Variants in OSBPL3 observed in about 807,000 individuals in gnomAD.
OSBPL3 encodes oxysterol binding protein like 3.
A neutral mutation model predicts 120.1 loss-of-function variants in OSBPL3; 65 were observed. That is an observed-to-expected ratio of 0.54 (90% CI 0.44 to 0.67). The LOEUF (loss-of-function observed/expected upper bound fraction) is 0.67. Ranked by LOEUF, OSBPL3 falls within the 30% of genes least tolerant of loss-of-function variation. OSBPL3 has a pLI of 0.00. For missense variants in OSBPL3, 1,004 were observed against 1,082.1 expected (o/e 0.93, Z 1.01); for synonymous variants, 416 against 402.6 (o/e 1.03, Z -0.40).
chr7:24,864,674 T>C (rs1344235886), intron 7 of OSBPL3, among the ~76,000 whole-genome samples: 1 of 152,232 alleles, frequency 6.6e-6, no homozygotes, highest in Non-Finnish European at 1.5e-5. Context: ...TTAAATTATA[T>C]ATGCCTAAAT....
intron 1 of OSBPL3, among the ~76,000 whole-genome samples, chr7:24,897,829 A>T (rs942742225): frequency 6.6e-6 from 1 of 152,246 alleles, no homozygotes; most frequent in Non-Finnish European, 1.5e-5. Flanking sequence ...GATTGCAAAA[A>T]GTGGCATATA....
In OSBPL3 at chr7:24,833,544, A is replaced by G. The variant is rs568410025; in HGVS notation, c.1746+942T>C. On this transcript the variant is annotated intron_variant, in intron 15 of 22. Transcript: ENST00000313367. The surrounding 1 kb of genome is among the most constrained non-coding windows in gnomAD (Gnocchi z 4.4). ...AATGTAGAAAATAATAGCATCCTCT[A>G]TCAATGGGGAGTGTCGGCAGGGCTA... is the stretch of plus-strand genomic sequence containing the variant. Among the ~76,000 whole-genome samples the G allele has an allele frequency of 9.8e-5, 15 of 152,306 alleles. No homozygotes were observed. The highest frequency in any genetic ancestry group is 3.6e-4 in the African/African-American group (15 of 41,562).
chr7:24,861,075 T>C (rs1310232445), intron 10 of OSBPL3, among the ~76,000 whole-genome samples: 1 of 152,254 alleles, frequency 6.6e-6, no homozygotes, highest in East Asian at 1.9e-4. Context: ...ATATGCATTT[T>C]CACCAGCATT....
intron 1 of OSBPL3, among the ~76,000 whole-genome samples, chr7:24,897,414 C>T (rs1806329786): frequency 6.7e-6 from 1 of 149,994 alleles, no homozygotes. Context: ...CAAGCTCCGC[C>T]TCCCGGGTTC....
At chr7:24,960,996 T>A (rs1300179203) in intron 1 of OSBPL3, among the ~76,000 whole-genome samples, 1 of 152,226 alleles carries the variant, frequency 6.6e-6, no homozygotes, top group Non-Finnish European at 1.5e-5. Flanking sequence ...CAGCAAGGGA[T>A]ATGAATAATT....
At position 24,879,958 on chromosome 7, in the gene OSBPL3, C is replaced by A. The variant is rs1803417739; in HGVS notation, c.97-7889G>T. On this transcript the variant is annotated intron_variant, in intron 2 of 22. Transcript: ENST00000313367. The surrounding 1 kb of genome is among the most constrained non-coding windows in gnomAD (Gnocchi z 5.6). Reference sequence around the variant, plus strand: ...AGCCCCTTAAAGCTACAAACAGCATCTTCTATGCATTTTTCTCTCCTCCTA... The same window carrying A: ...AGCCCCTTAAAGCTACAAACAGCATATTCTATGCATTTTTCTCTCCTCCTA... Among the ~76,000 whole-genome samples the A allele has an allele frequency of 6.6e-6, 1 of 152,142 alleles. No individual in the cohort carries two copies. The highest frequency in any genetic ancestry group is 1.9e-4 in the East Asian group (1 of 5,198).
rs547689840 is a variant in OSBPL3, at chr7:24,944,583, T to C, written c.-150+35303A>G. Among the ~76,000 whole-genome samples the C allele has an allele frequency of 4.0e-5, 6 of 150,920 alleles. No homozygotes were observed. In the South Asian group the frequency reaches 1.3e-3, roughly 32 times the overall value. On this transcript the variant is annotated intron_variant, in intron 1 of 22. Transcript: ENST00000313367. ...AGGCGGAGGTTGCAGTGAGCTGAGA[T>C]TGCGCCACTGCACTCCATCTTGGGT... is the stretch of plus-strand genomic sequence containing the variant.
At chr7:24,945,606 C>G (rs1813629048) in intron 1 of OSBPL3, among the ~76,000 whole-genome samples, 1 of 152,182 alleles carries the variant, frequency 6.6e-6, no homozygotes, top group African/African-American at 2.4e-5. Context: ...GTGGCACACT[C>G]TGATACGGTG....
Position 24,834,185 on chromosome 7 carries a change from C to T in OSBPL3, c.1746+301G>A. 9.1e-7 allele frequency: 1 copy of T among 1,096,360 alleles called. No homozygotes were observed. Among genetic ancestry groups the T allele is most frequent in the Non-Finnish European group, 1.1e-6 (1 of 892,752 alleles). The allele number at this position is 1,096,360 out of a possible 1,614,324, so 67.9% of individuals were successfully genotyped here. On this transcript the variant is annotated intron_variant, in intron 15 of 22. Coordinates refer to ENST00000313367, the MANE Select transcript of OSBPL3 (RefSeq NM_015550.4). This position sits in a 1 kb window ranked among gnomAD's most constrained non-coding sequence, Gnocchi z 5.2. ...CCTAAAGACATGTTTTCCAGCCGGG[C>T]ACATCGGAACAATCAGCCAGAAGGC...
intron 2 of OSBPL3, among the ~76,000 whole-genome samples, chr7:24,874,523 T>A (rs1802592099): frequency 6.6e-6 from 1 of 152,156 alleles, no homozygotes; most frequent in Non-Finnish European, 1.5e-5. Flanking sequence ...AAGAATTAAA[T>A]CTCAGAACTA....
intron 1 of OSBPL3, among the ~76,000 whole-genome samples, chr7:24,927,748 G>T (rs920163212): frequency 1.3e-5 from 2 of 152,080 alleles, no homozygotes; most frequent in South Asian, 4.2e-4. Flanking sequence ...AAATTCAATG[G>T]CATGATAAAA....
chr7:24,837,433 G>A (rs1797146146), intron 14 of OSBPL3, among the ~76,000 whole-genome samples: 1 of 151,696 alleles, frequency 6.6e-6, no homozygotes, highest in South Asian at 2.1e-4. Context: ...CAAACTCTTG[G>A]CCTAAAGCAA....
intron 18 of OSBPL3, among the ~76,000 whole-genome samples, chr7:24,816,335 C>A (rs1794459852): frequency 6.6e-6 from 1 of 152,158 alleles, no homozygotes; most frequent in South Asian, 2.1e-4. Context: ...GCTAAAACCA[C>A]CATTCTTAAT....
At chr7:24,954,528 T>C (rs1443905073) in intron 1 of OSBPL3, among the ~76,000 whole-genome samples, 3 of 151,680 alleles carry the variant, frequency 2.0e-5, no homozygotes, top group Non-Finnish European at 4.4e-5. Flanking sequence ...ACTCTCTCTA[T>C]CCCAACCATG....
intron 1 of OSBPL3, among the ~76,000 whole-genome samples, chr7:24,928,369 T>G (rs1811350220): frequency 6.6e-6 from 1 of 152,050 alleles, no homozygotes; most frequent in Non-Finnish European, 1.5e-5. Flanking sequence ...TTTTTTGTCT[T>G]TTTAGTAGAG....
At position 24,940,666 on chromosome 7, in the gene OSBPL3, A is replaced by G. The variant is rs1812976356; in HGVS notation, c.-150+39220T>C. Among the ~76,000 whole-genome samples, 2 of 152,090 alleles carry G rather than the reference A, an allele frequency of 1.3e-5. No individual in the cohort carries two copies. Among genetic ancestry groups the G allele is most frequent in the African/African-American group, 4.8e-5 (2 of 41,402 alleles). ...GGAGGTACCTAAAACCAAGGAGATG[A>G]GGAACGGTGAATGAAGATGTCAGGT... On this transcript the variant is annotated intron_variant, in intron 1 of 22. Transcript: ENST00000313367. The surrounding 1 kb of genome is among the most constrained non-coding windows in gnomAD (Gnocchi z 4.4).
intron 12 of OSBPL3, among the ~76,000 whole-genome samples, chr7:24,848,606 G>A (rs1054054547): frequency 6.6e-5 from 10 of 151,942 alleles, no homozygotes; most frequent in East Asian, 3.9e-4. Flanking sequence ...GTGTACAGCC[G>A]CATTCTATAA....
Position 24,898,300 on chromosome 7 carries a change from A to G in OSBPL3, c.-149-5679T>C, listed in dbSNP as rs1806472105. Among the ~76,000 whole-genome samples the G allele has an allele frequency of 6.6e-6, 1 of 152,196 alleles. No individual in the cohort carries two copies. Among genetic ancestry groups the G allele is most frequent in the Non-Finnish European group, 1.5e-5 (1 of 68,034 alleles). On this transcript the variant is annotated intron_variant, in intron 1 of 22. Transcript: ENST00000313367. This position sits in a 1 kb window ranked among gnomAD's most constrained non-coding sequence, Gnocchi z 4.3. The stretch of plus-strand genomic sequence containing the variant: ...GAAGTGCTGTCCATGTGTCCGAACT[A>G]TCTGAACTGCTGGTCTGATCCAAAG...
At position 24,980,030 on chromosome 7, in the gene OSBPL3, C is replaced by A. The variant is rs1254243135; in HGVS notation, c.-294G>T. 6 of 985,336 alleles carry A rather than the reference C, an allele frequency of 6.1e-6. No individual in the cohort carries two copies. The South Asian group carries it at 2.8e-4, about 46-fold the overall frequency. 61.0% of individuals were successfully genotyped at this position (985,336 alleles called of 1,614,324 possible). ...CAGCTCCCGCACCGGCCGCAGGAGT[C>A]GGGGGCGGGGATGGCCACTTGCAGA... On this transcript the variant is annotated 5_prime_UTR_variant, in exon 1 of 23. Coordinates refer to ENST00000313367, the MANE Select transcript of OSBPL3 (RefSeq NM_015550.4).
Sources: gnomAD v4.1 joint callset for allele counts (sites outside exome capture counted in the v4.1 genomes callset) on GRCh38, gnomAD v4.1.1 for gene constraint, Gnocchi (gnomAD v3.1) non-coding constraint, MANE v1.5 for transcripts, NCBI Gene and HGNC (gene_info 2026-07-23, HGNC 2026-07-21) for gene names.